SND1: variants seen among roughly 807,000 people sequenced by gnomAD.
The protein encoded by SND1 is staphylococcal nuclease and tudor domain containing 1, also known as staphylococcal nuclease domain-containing protein 1.
A neutral mutation model predicts 121.7 loss-of-function variants in SND1; 38 were observed. The ratio of observed to expected loss-of-function variants is 0.31; its 90% CI spans 0.24 to 0.41. The LOEUF (loss-of-function observed/expected upper bound fraction) is 0.41. Among genes scored for constraint, SND1 ranks in the 10% least tolerant of loss-of-function variants. SND1 has a pLI of 1.00. For synonymous variants in SND1, 401 were observed against 447.4 expected (o/e 0.90, Z 1.31); for missense variants, 868 against 1,184.6 (o/e 0.73, Z 3.92).
intron 10 of SND1, among the ~76,000 whole-genome samples, chr7:127,740,268 A>G (rs1385799709): frequency 6.6e-6 from 1 of 152,160 alleles, no homozygotes; most frequent in Non-Finnish European, 1.5e-5. Flanking sequence ...CATCTATTGA[A>G]TGGATAAGGT....
rs59243807 is a variant in SND1 at position 127,766,771 on chromosome 7, CAAAAAAAAAA to C, written c.1153-40692_1153-40683del. On this transcript the variant is annotated intron_variant, in intron 10 of 23. Coordinates refer to ENST00000354725, the MANE Select transcript of SND1 (RefSeq NM_014390.4). ...TGGGTGACAAAGCGAGACTTTGTCT[CAAAAAAAAAA>C]AAAAAAAAAAAAAAAAAAAATAGTT... Among the ~76,000 whole-genome samples the C allele has an allele frequency of 5.4e-3, 179 of 33,222 alleles. 3 individuals are homozygous for C. Among genetic ancestry groups the C allele is most frequent in the African/African-American group, 9.5e-3 (108 of 11,346 alleles). The allele number at this position is 33,222 out of a possible 152,430, so 21.8% of individuals were successfully genotyped here.
rs1348139147 is a variant in SND1 at position 127,790,919 on chromosome 7, C to T, written c.1153-16565C>T. ...AGGACCATAAGATCCATTCGTGGAGCTTGTTCAGCAAGCAGTTTGGAATAT... is the reference window on the plus strand; with the variant it reads ...AGGACCATAAGATCCATTCGTGGAGTTTGTTCAGCAAGCAGTTTGGAATAT... On this transcript the variant is annotated intron_variant, in intron 10 of 23. Coordinates refer to ENST00000354725, the MANE Select transcript of SND1 (RefSeq NM_014390.4). Among the ~76,000 whole-genome samples the T allele has an allele frequency of 2.6e-5, 4 of 152,092 alleles. No individual in the cohort carries two copies. In the East Asian group the frequency reaches 7.7e-4, roughly 29 times the overall value.
At chr7:127,934,100 G>A (rs1336159187) in intron 15 of SND1, among the ~76,000 whole-genome samples, 1 of 152,194 alleles carries the variant, frequency 6.6e-6, no homozygotes, top group Non-Finnish European at 1.5e-5. Flanking sequence ...TCTTTAGGTG[G>A]ACATCAGAGA....
chr7:127,677,965 A>T (rs1328722386), intron 1 of SND1, among the ~76,000 whole-genome samples: 1 of 152,138 alleles, frequency 6.6e-6, no homozygotes, highest in Non-Finnish European at 1.5e-5. Flanking sequence ...TGCCTTGCAG[A>T]TGGTACGGTT....
intron 10 of SND1, among the ~76,000 whole-genome samples, chr7:127,767,250 A>G (rs1183197860): frequency 6.6e-6 from 1 of 152,100 alleles, no homozygotes; most frequent in Non-Finnish European, 1.5e-5. Context: ...TGTTTAATGT[A>G]GTAGACATGA....
rs952899506 is a variant in SND1 at position 128,073,109 on chromosome 7, G to C, written c.1780-1393G>C. Among the ~76,000 whole-genome samples the C allele has an allele frequency of 6.6e-5, 10 of 152,288 alleles. No homozygotes were observed. The East Asian group carries it at 1.5e-3, about 23-fold the overall frequency. ...TCCTGAAACAGAAGGCTGTGGAAAGGGGGTATTAGGGAGGGGCAGGGTCTT... is the reference window on the plus strand; with the variant it reads ...TCCTGAAACAGAAGGCTGTGGAAAGCGGGTATTAGGGAGGGGCAGGGTCTT... On this transcript the variant is annotated intron_variant, in intron 16 of 23. Transcript: ENST00000354725.
chr7:127,938,681 G>C lies in SND1; in HGVS notation c.1669+9352G>C, dbSNP rs149082713. The stretch of plus-strand genomic sequence containing the variant: ...CATTTTTCTCTCCGCTTTTGTATTG[G>C]TGTGTAAATCTCCCTCTTAGCTCTT... On this transcript the variant is annotated intron_variant, in intron 15 of 23. Transcript: ENST00000354725. Among the ~76,000 whole-genome samples, 251 of 152,278 alleles carry C rather than the reference G, an allele frequency of 1.6e-3. 1 individual carries two copies. The highest frequency in any genetic ancestry group is 5.9e-3 in the African/African-American group (245 of 41,562).
intron 11 of SND1, among the ~76,000 whole-genome samples, chr7:127,815,899 G>A (rs1411584189): frequency 6.6e-6 from 1 of 152,152 alleles, no homozygotes; most frequent in East Asian, 1.9e-4. Context: ...GATAGGGTTT[G>A]ATAATGTCAG....
intron 15 of SND1, among the ~76,000 whole-genome samples, chr7:127,957,770 G>A (rs905631100): frequency 1.3e-5 from 2 of 151,958 alleles, no homozygotes; most frequent in Non-Finnish European, 2.9e-5. Context: ...GCTCAATCTC[G>A]GCTCACTGCA....
chr7:127,944,684 A>C (rs1049978812), intron 15 of SND1, among the ~76,000 whole-genome samples: 1 of 152,200 alleles, frequency 6.6e-6, no homozygotes, highest in African/African-American at 2.4e-5. Flanking sequence ...CCTGAGAGTG[A>C]ATTGAGCCCT....
intron 15 of SND1, among the ~76,000 whole-genome samples, chr7:127,949,832 G>A (rs1801420362): frequency 6.6e-6 from 1 of 152,162 alleles, no homozygotes; most frequent in Non-Finnish European, 1.5e-5. Context: ...GGCCAGCTGT[G>A]TTTTGTGCTC....
chr7:127,864,963 G>A (rs987759393), intron 12 of SND1, among the ~76,000 whole-genome samples: 1 of 152,212 alleles, frequency 6.6e-6, no homozygotes, highest in Non-Finnish European at 1.5e-5. Context: ...GAATGAGGAT[G>A]TGAGTGAACT....
At chr7:127,926,781 CG>C (rs1374324815) in intron 14 of SND1, among the ~76,000 whole-genome samples, 1 of 149,562 alleles carries the variant, frequency 6.7e-6, no homozygotes, top group African/African-American at 2.5e-5. Flanking sequence ...TTAGTAGAGA[CG>C]GGGTTTCACC....
intron 10 of SND1, among the ~76,000 whole-genome samples, chr7:127,761,981 G>T (rs1177184195): frequency 6.6e-6 from 1 of 152,126 alleles, no homozygotes; most frequent in Non-Finnish European, 1.5e-5. Flanking sequence ...TTGATGCTTG[G>T]AAATACCCGA....
intron 16 of SND1, chr7:128,028,609 C>G: frequency 7.0e-7 from 1 of 1,427,216 alleles, no homozygotes; most frequent in Non-Finnish European, 9.6e-7. Context: ...AGTCTCTCCC[C>G]ACTCTGTACA....
intron 15 of SND1, among the ~76,000 whole-genome samples, chr7:127,988,473 G>A (rs1457758994): frequency 6.6e-6 from 1 of 152,168 alleles, no homozygotes; most frequent in Non-Finnish European, 1.5e-5. Context: ...CTGGGATTTG[G>A]TTTTCACAGG....
chr7:127,749,283 T>G (rs1275753311), intron 10 of SND1, among the ~76,000 whole-genome samples: 2 of 152,096 alleles, frequency 1.3e-5, no homozygotes, highest in Non-Finnish European at 1.5e-5. Context: ...GTGGGATATA[T>G]TTCTAAAAGC....
intron 1 of SND1, among the ~76,000 whole-genome samples, chr7:127,661,694 C>CA (rs1795314357): frequency 6.6e-6 from 1 of 152,028 alleles, no homozygotes; most frequent in Non-Finnish European, 1.5e-5. Context: ...AACAGTTTTC[C>CA]AGTTTATCCT....
chr7:127,678,447 A>G (rs1400451630), intron 1 of SND1, among the ~76,000 whole-genome samples: 1 of 152,142 alleles, frequency 6.6e-6, no homozygotes, highest in Non-Finnish European at 1.5e-5. Context: ...TGGGTCTGCA[A>G]GTGTATCCAG....
Sources: allele counts gnomAD v4.1 joint callset (sites outside exome capture counted in the v4.1 genomes callset), GRCh38; gene constraint gnomAD v4.1.1; transcripts MANE v1.5; gene names NCBI Gene and HGNC (gene_info 2026-07-23, HGNC 2026-07-21).